TMEM132C: variants seen among roughly 807,000 people sequenced by gnomAD.
TMEM132C encodes the protein transmembrane protein 132C, also known as protein phosphatase 1, regulatory subunit 152.
A neutral mutation model predicts 61.4 loss-of-function variants in TMEM132C; 29 were observed. The observed-to-expected ratio is 0.47, with a 90% CI of 0.35 to 0.64. The LOEUF (loss-of-function observed/expected upper bound fraction) is 0.64. Among genes scored for constraint, TMEM132C ranks in the 30% least tolerant of loss-of-function variants. The pLI, the probability that TMEM132C is intolerant of heterozygous loss-of-function variation, is 0.00. For missense variants in TMEM132C, 1,408 were observed against 1,476.9 expected, an observed-to-expected ratio of 0.95 and a Z score of 0.76; for synonymous variants, 656 against 633.1, an observed-to-expected ratio of 1.04 and a Z score of -0.54.
rs1453402984 is a variant in TMEM132C, at chr12:128,707,811, G to A, written c.*1516G>A. The A allele has an allele frequency of 6.6e-6, 1 of 152,100 alleles. No homozygotes were observed. The highest frequency in any genetic ancestry group is 1.5e-5 in the Non-Finnish European group (1 of 68,016). The allele number at this position is 152,100 out of a possible 1,614,324, so 9.4% of individuals were successfully genotyped here. On this transcript the variant is annotated 3_prime_UTR_variant, in exon 9 of 9. Coordinates refer to ENST00000435159, the MANE Select transcript of TMEM132C (RefSeq NM_001136103.3). Reference sequence around the variant, plus strand: ...GCCTCCTAACCTGGGTTGGACCTTTGAAAAATATATTTGTAGCACATATTA... The same window carrying A: ...GCCTCCTAACCTGGGTTGGACCTTTAAAAAATATATTTGTAGCACATATTA...
In TMEM132C at chr12:128,648,917, C is replaced by T. The variant is rs150389269; in HGVS notation, c.1306-20500C>T. ...GGATATGGGTGTGTTTACTGGAGTCCATCAGCATTGGATGAGTGTGTTTAC... is the reference window on the plus strand; with the variant it reads ...GGATATGGGTGTGTTTACTGGAGTCTATCAGCATTGGATGAGTGTGTTTAC... On this transcript the variant is annotated intron_variant, in intron 4 of 8. Coordinates refer to ENST00000435159, the MANE Select transcript of TMEM132C (RefSeq NM_001136103.3). Among the ~76,000 whole-genome samples, 252 of 149,422 alleles carry T rather than the reference C, an allele frequency of 1.7e-3. 3 individuals are homozygous for T. In the East Asian group the frequency reaches 0.045, roughly 27 times the overall value.
chr12:128,450,568 A>G (rs149398537), intron 2 of TMEM132C, among the ~76,000 whole-genome samples: 2 of 152,354 alleles, frequency 1.3e-5, no homozygotes, highest in East Asian at 1.9e-4. Flanking sequence ...AATTTTAGTT[A>G]CACTTCTTTT....
chr12:128,516,565 A>G (rs979103753), intron 2 of TMEM132C, among the ~76,000 whole-genome samples: 2 of 149,946 alleles, frequency 1.3e-5, no homozygotes, highest in Non-Finnish European at 3.0e-5. Flanking sequence ...CACAACTTTT[A>G]CATTTTATTG....
intron 1 of TMEM132C, among the ~76,000 whole-genome samples, chr12:128,314,238 G>A (rs1011812965): frequency 6.6e-6 from 1 of 152,160 alleles, no homozygotes; most frequent in Non-Finnish European, 1.5e-5. Flanking sequence ...GAAATGTGTT[G>A]TCCATTTCTG....
At chr12:128,270,317 T>G (rs1415712953) in intron 1 of TMEM132C, among the ~76,000 whole-genome samples, 1 of 152,234 alleles carries the variant, frequency 6.6e-6, no homozygotes, top group East Asian at 1.9e-4. Flanking sequence ...AATAGAGGCA[T>G]GAAGTCATAT....
At chr12:128,356,470 T>C (rs535691371) in intron 1 of TMEM132C, among the ~76,000 whole-genome samples, 32 of 152,346 alleles carry the variant, frequency 2.1e-4, no homozygotes, top group African/African-American at 7.7e-4. Context: ...AACCATGTTA[T>C]TTTATTGTCT....
At chr12:128,312,894 G>C (rs930986472) in intron 1 of TMEM132C, among the ~76,000 whole-genome samples, 1 of 152,194 alleles carries the variant, frequency 6.6e-6, no homozygotes, top group African/African-American at 2.4e-5. Flanking sequence ...CTTGCCTCCC[G>C]CACATGGGCT....
chr12:128,414,883 G>T lies in TMEM132C; in HGVS notation c.237G>T (p.Ala79=). 1.3e-6 allele frequency: 2 copies of T among 1,551,810 alleles called. No homozygotes were observed. The highest frequency in any genetic ancestry group is 2.4e-5 in the South Asian group (2 of 84,066). ...TGCTGCGGAACTCCAGCCTGCAGGC[G>T]AGGGTGGAGTCCTTCTTTACCTACA... ...QDLLRNSSLQ[A]RVESFFTYKT... Residue 79 remains alanine, a synonymous_variant, in exon 2 of 9, where the codon GCG becomes GCT. Transcript: ENST00000435159.
At chr12:128,528,080 G>A (rs1045884758) in intron 2 of TMEM132C, among the ~76,000 whole-genome samples, 1 of 152,160 alleles carries the variant, frequency 6.6e-6, no homozygotes, top group African/African-American at 2.4e-5. Context: ...TGTTGCTATC[G>A]TTGTTACGAT....
At chr12:128,321,135 G>GAAAAA (rs150141594) in intron 1 of TMEM132C, among the ~76,000 whole-genome samples, 10 of 128,078 alleles carry the variant, frequency 7.8e-5, no homozygotes, top group Admixed American at 1.6e-4. Flanking sequence ...TGCCATTTTT[G>GAAAAA]AAAAATAATA....
At chr12:128,669,891 T>C (rs1352308801) in intron 5 of TMEM132C, among the ~76,000 whole-genome samples, 1 of 152,242 alleles carries the variant, frequency 6.6e-6, no homozygotes, top group African/African-American at 2.4e-5. Context: ...ATTAGGCCAA[T>C]GCAAAAGTAA....
Position 128,630,371 on chromosome 12 carries a change from G to A in TMEM132C, c.1305+14036G>A, listed in dbSNP as rs1435765532. 2.0e-5 allele frequency among the ~76,000 whole-genome samples: 3 copies of A among 152,188 alleles called. No homozygotes were observed. Among genetic ancestry groups the A allele is most frequent in the African/African-American group, 7.2e-5 (3 of 41,440 alleles). ...GTTAGAACCTGGGCCTGTGTTTATA[G>A]TTCACTGCTCGGTGACTCCATGCAC... On this transcript the variant is annotated intron_variant, in intron 4 of 8. Transcript: ENST00000435159. This position sits in a 1 kb window ranked among gnomAD's most constrained non-coding sequence, Gnocchi z 4.3.
At chr12:128,694,456 T>C (rs1440044005) in intron 6 of TMEM132C, among the ~76,000 whole-genome samples, 4 of 152,242 alleles carry the variant, frequency 2.6e-5, no homozygotes, top group African/African-American at 9.6e-5. Flanking sequence ...TTCTAGTGGA[T>C]GCTGGAATCA....
chr12:128,268,889 G>A (rs1005039526), intron 1 of TMEM132C, among the ~76,000 whole-genome samples: 1 of 94,926 alleles, frequency 1.1e-5, no homozygotes, highest in South Asian at 4.9e-4. Context: ...GTGAGAGAGG[G>A]GGGGGAAGAA....
intron 3 of TMEM132C, among the ~76,000 whole-genome samples, chr12:128,551,506 G>C (rs751428731): frequency 4.7e-4 from 72 of 152,250 alleles, no homozygotes; most frequent in Admixed American, 1.4e-3. Flanking sequence ...GGCAAAGTCA[G>C]CCAACAATTT....
intron 2 of TMEM132C, among the ~76,000 whole-genome samples, chr12:128,514,675 T>C (rs957344865): frequency 2.6e-5 from 4 of 152,270 alleles, no homozygotes; most frequent in Non-Finnish European, 4.4e-5. Context: ...GAAGTGACCA[T>C]AATGGAACCC....
chr12:128,458,214 TTATAATATATCATGGAGTGAGTATTATAA>T (rs1870410930), intron 2 of TMEM132C, among the ~76,000 whole-genome samples: 1 of 148,016 alleles, frequency 6.8e-6, no homozygotes, highest in Admixed American at 6.8e-5. Context: ...AATTATATAA[TTATAATATATCATGGAGTGAGTATTATAA>T]TATAATATTT....
intron 3 of TMEM132C, among the ~76,000 whole-genome samples, chr12:128,565,541 C>A (rs959157071): frequency 6.6e-6 from 1 of 152,164 alleles, no homozygotes; most frequent in Non-Finnish European, 1.5e-5. Context: ...AGAAGTTCTT[C>A]ATGTCTTTAT....
chr12:128,367,944 G>A (rs1333642968), intron 1 of TMEM132C, among the ~76,000 whole-genome samples: 8 of 152,078 alleles, frequency 5.3e-5, no homozygotes, highest in African/African-American at 7.2e-5. Flanking sequence ...AGACAGTGGC[G>A]GCTGGTCTAG....
Sources: allele counts gnomAD v4.1 joint callset (sites outside exome capture counted in the v4.1 genomes callset), GRCh38; gene constraint gnomAD v4.1.1; non-coding constraint Gnocchi (gnomAD v3.1); transcripts MANE v1.5; gene names NCBI Gene and HGNC (gene_info 2026-07-23, HGNC 2026-07-21).